The following CENPU variants were observed in gnomAD, a reference collection of about 807,000 sequenced individuals.
CENPU encodes KSHV latent nuclear antigen interacting protein 1.
In CENPU, 46 loss-of-function variants were observed where a neutral mutation model predicts 56.7. That is an observed-to-expected ratio of 0.81 (90% CI 0.64 to 1.04). The LOEUF is 1.04. CENPU is among the 50% of genes least tolerant of loss of function. The pLI is 0.00. For synonymous variants in CENPU, 166 were observed against 163.0 expected (o/e 1.02, Z -0.14); for missense variants, 510 against 490.1 (o/e 1.04, Z -0.38).
At chr4:184,717,022 C>G (rs1717600655) in intron 5 of CENPU, 114 bp downstream of exon 5, 2 of 693,648 alleles carry the variant, frequency 2.9e-6, no homozygotes, top group Admixed American at 2.8e-5. Flanking sequence ...AATGTTTTCT[C>G]TATTTGCATC....
At chr4:184,701,355 T>C (rs7658186) in intron 10 of CENPU, among the ~76,000 whole-genome samples, 26,026 of 152,162 alleles carry the variant, frequency 0.17, 2,442 homozygotes, top group African/African-American at 0.24. Flanking sequence ...TAATAAGCAA[T>C]GCAGAAATGA....
At chr4:184,733,526 T>G in intron 1 of CENPU, 2 of 502,158 alleles carry the variant, frequency 4.0e-6, no homozygotes, top group Non-Finnish European at 5.2e-6. Flanking sequence ...GCTCGAGCCA[T>G]CCTGGAGAAC....
intron 6 of CENPU, among the ~76,000 whole-genome samples, chr4:184,713,325 C>T (rs1047152462): frequency 3.3e-5 from 5 of 152,046 alleles, no homozygotes; most frequent in Admixed American, 6.6e-5. Context: ...TGGCGGGAAT[C>T]GGAGGTTGCA....
chr4:184,728,842 C>A, intron 3 of CENPU, 76 bp downstream of exon 3: 1 of 1,034,776 alleles, frequency 9.7e-7, no homozygotes, highest in Non-Finnish European at 1.5e-6. Context: ...TTTGAAGATA[C>A]TTCTATTTTT....
At chr4:184,696,370 C>T (rs1760309467) in intron 12 of CENPU, among the ~76,000 whole-genome samples, 1 of 152,142 alleles carries the variant, frequency 6.6e-6, no homozygotes, top group African/African-American at 2.4e-5. Flanking sequence ...GCATTGAGCT[C>T]ACTCTAAGAA....
chr4:184,700,941 A>T (rs1760514775), intron 10 of CENPU, 60 bp from the exon 11 acceptor site: 1 of 1,365,956 alleles, frequency 7.3e-7, no homozygotes, highest in African/African-American at 1.4e-5. Flanking sequence ...ACTGCCACAT[A>T]AGCTGCCAGG....
chr4:184,697,295 CG>C (rs1760372435), intron 12 of CENPU, among the ~76,000 whole-genome samples: 1 of 152,158 alleles, frequency 6.6e-6, no homozygotes, highest in Admixed American at 6.5e-5. Flanking sequence ...GCTGGTCTTT[CG>C]AACATGGCTG....
Position 184,717,135 on chromosome 4 carries a change from CCTT to C in CENPU, c.379_381del (p.Lys127del). ...GTAGAAGAGTGAATACTCCTACATA[CCTT>C]TTTTGCACTAATTTTTACAGATTCG... On this transcript the variant is annotated inframe_deletion and splice_region_variant, in exon 5 of 13. Coordinates refer to ENST00000281453, the MANE Select transcript of CENPU (RefSeq NM_024629.4). The C allele has an allele frequency of 6.2e-7, 1 of 1,605,794 alleles. No individual in the cohort carries two copies.
At chr4:184,703,408 G>A (rs1161938283) in intron 8 of CENPU, among the ~76,000 whole-genome samples, 1 of 152,112 alleles carries the variant, frequency 6.6e-6, no homozygotes, top group Non-Finnish European at 1.5e-5. Context: ...TCTGTCACTG[G>A]GGAGAAGAGA....
intron 8 of CENPU, among the ~76,000 whole-genome samples, chr4:184,709,467 C>CAG (rs1760846829): frequency 6.9e-6 from 1 of 145,680 alleles, no homozygotes; most frequent in Non-Finnish European, 1.5e-5. Flanking sequence ...AGCCTGGAGA[C>CAG]AGAGAGAGAC....
intron 11 of CENPU, among the ~76,000 whole-genome samples, chr4:184,699,186 C>T (rs1228748586): frequency 1.3e-5 from 2 of 151,892 alleles, no homozygotes; most frequent in African/African-American, 2.4e-5. Flanking sequence ...AAAAATTAGC[C>T]GGGCACAGTG....
At chr4:184,705,761 T>C (rs1001048544) in intron 8 of CENPU, among the ~76,000 whole-genome samples, 3 of 152,198 alleles carry the variant, frequency 2.0e-5, no homozygotes, top group Non-Finnish European at 4.4e-5. Context: ...TATCTGTATA[T>C]ACACAATACA....
chr4:184,731,835 T>C (rs1579802857), intron 1 of CENPU, among the ~76,000 whole-genome samples: 3 of 151,336 alleles, frequency 2.0e-5, no homozygotes, highest in Non-Finnish European at 4.4e-5. Context: ...CACAGAAAAG[T>C]TGCAAACATA....
chr4:184,706,027 G>A (rs1760715655), intron 8 of CENPU, among the ~76,000 whole-genome samples: 1 of 152,150 alleles, frequency 6.6e-6, no homozygotes, highest in Non-Finnish European at 1.5e-5. Context: ...AAGTTCTGGA[G>A]ACTGATAGCA....
In CENPU at chr4:184,694,189, T is replaced by TATC; in HGVS notation, c.*1096_*1098dup. On this transcript the variant is annotated 3_prime_UTR_variant, in exon 13 of 13. Transcript: ENST00000281453. ...AAGTCCATTGTCAAGATAGCAAATT[T>TATC]ATCTTCTGATTTGTCTTCAGCTGGA... is the stretch of plus-strand genomic sequence containing the variant. 2 of 1,039,618 alleles carry TATC rather than the reference T, an allele frequency of 1.9e-6. No homozygotes were observed. Among genetic ancestry groups the TATC allele is most frequent in the Non-Finnish European group, 2.3e-6 (2 of 863,192 alleles). 64.4% of individuals were successfully genotyped at this position (1,039,618 alleles called of 1,614,324 possible). A position where few individuals can be genotyped will look rare whatever the true frequency, so the allele number is the denominator to read the frequency against.
chr4:184,732,035 T>G (rs933485871), intron 1 of CENPU, among the ~76,000 whole-genome samples: 2 of 152,066 alleles, frequency 1.3e-5, no homozygotes, highest in Non-Finnish European at 2.9e-5. Context: ...CATAATCTAA[T>G]CTACAGTCCA....
At chr4:184,720,575 C>G (rs577133310) in intron 4 of CENPU, among the ~76,000 whole-genome samples, 1 of 152,162 alleles carries the variant, frequency 6.6e-6, no homozygotes, top group South Asian at 2.1e-4. Flanking sequence ...AGGAAGACTC[C>G]CTCAAGGCAT....
chr4:184,705,810 A>G (rs947963530), intron 8 of CENPU, among the ~76,000 whole-genome samples: 12 of 152,238 alleles, frequency 7.9e-5, no homozygotes, highest in African/African-American at 2.9e-4. Flanking sequence ...GCAAGCTATC[A>G]CACAGATGAG....
At chr4:184,719,663 T>C (rs1167095998) in intron 4 of CENPU, among the ~76,000 whole-genome samples, 1 of 152,096 alleles carries the variant, frequency 6.6e-6, no homozygotes, top group Non-Finnish European at 1.5e-5. Context: ...CCAACTGGTG[T>C]GGCTAAGGGT....
Sources: allele counts gnomAD v4.1 joint callset (sites outside exome capture counted in the v4.1 genomes callset), GRCh38; gene constraint gnomAD v4.1.1; transcripts MANE v1.5; gene names NCBI Gene and HGNC (gene_info 2026-07-23, HGNC 2026-07-21).